Variants in MYO3B observed in about 807,000 individuals in gnomAD.
MYO3B encodes myosin IIIB.
Under a neutral mutation model 174.6 loss-of-function variants are expected in MYO3B, and 156 were observed. That is an observed-to-expected ratio of 0.89 (90% CI 0.78 to 1.02). The LOEUF (loss-of-function observed/expected upper bound fraction) is 1.02, where lower values mean the gene tolerates loss of function less well. Ranked by LOEUF, MYO3B falls within the 50% of genes least tolerant of loss-of-function variation. The pLI is 0.00. For missense variants in MYO3B, 1,632 were observed against 1,639.4 expected (o/e 1.00, Z 0.08); for synonymous variants, 563 against 569.1 (o/e 0.99, Z 0.15).
At chr2:170,473,665 T>G (rs1049952110) in intron 25 of MYO3B, among the ~76,000 whole-genome samples, 5 of 152,240 alleles carry the variant, frequency 3.3e-5, no homozygotes, top group African/African-American at 1.2e-4. Flanking sequence ...AAAATAAGGC[T>G]GTAACCCAGT....
intron 25 of MYO3B, 147 bp downstream of exon 25, chr2:170,466,858 C>T (rs1684672277): frequency 4.9e-6 from 4 of 813,476 alleles, no homozygotes; most frequent in Admixed American, 5.5e-5. Flanking sequence ...TTGAATGTTG[C>T]ATTTTTATTG....
rs532971666 is a variant in MYO3B, at chr2:170,396,952, A to G, written c.1792-3236A>G. Among the ~76,000 whole-genome samples, 5 of 152,274 alleles carry G rather than the reference A, an allele frequency of 3.3e-5. No individual in the cohort carries two copies. In the South Asian group the frequency reaches 8.3e-4, roughly 25 times the overall value. On this transcript the variant is annotated intron_variant, in intron 16 of 34. Coordinates refer to ENST00000408978, the MANE Select transcript of MYO3B (RefSeq NM_138995.5). ...AACAGCTGATGTAGAACTCACTGCA[A>G]GAGTCTCTGTTTTACCCCCTGGGAT...
chr2:170,299,828 ATGCAT>A (rs1400443766), intron 7 of MYO3B, among the ~76,000 whole-genome samples: 1 of 152,226 alleles, frequency 6.6e-6, no homozygotes, highest in Non-Finnish European at 1.5e-5. Flanking sequence ...AGAAACAAAG[ATGCAT>A]TGCTAGATCA....
intron 32 of MYO3B, among the ~76,000 whole-genome samples, chr2:170,594,991 C>T (rs1694054716): frequency 1.3e-5 from 2 of 152,086 alleles, no homozygotes; most frequent in South Asian, 2.1e-4. Context: ...AGGACAGTGT[C>T]GTGCCCCAGG....
rs774215393 is a variant in MYO3B, at chr2:170,463,333, A to G, written c.2731-35A>G. On this transcript the variant is annotated intron_variant, in intron 23 of 34. Coordinates refer to ENST00000408978, the MANE Select transcript of MYO3B (RefSeq NM_138995.5). ...CATGGAGCATGAGGTAAGTGCCTAG[A>G]TCCTCAAACCACTTGCCTCCACCTA... 9.4e-6 allele frequency: 15 copies of G among 1,601,416 alleles called. No homozygotes were observed. In the South Asian group the frequency reaches 1.7e-4, roughly 18 times the overall value.
At chr2:170,226,303 A>G (rs1262164090) in intron 6 of MYO3B, among the ~76,000 whole-genome samples, 2 of 152,194 alleles carry the variant, frequency 1.3e-5, no homozygotes, top group Non-Finnish European at 2.9e-5. Flanking sequence ...CTCCAGAGAC[A>G]TTCATCTCTG....
intron 30 of MYO3B, among the ~76,000 whole-genome samples, chr2:170,535,298 T>G (rs1689617632): frequency 6.6e-6 from 1 of 152,222 alleles, no homozygotes; most frequent in South Asian, 2.1e-4. Context: ...GTCATACACA[T>G]TGTTCTTATA....
Position 170,543,998 on chromosome 2 carries a change from A to G in MYO3B, c.3733+10A>G. 6.3e-7 allele frequency: 1 copy of G among 1,599,836 alleles called. No individual in the cohort carries two copies. The highest frequency in any genetic ancestry group is 8.6e-7 in the Non-Finnish European group (1 of 1,167,906). On this transcript the variant is annotated intron_variant, in intron 32 of 34. Coordinates refer to ENST00000408978, the MANE Select transcript of MYO3B (RefSeq NM_138995.5). ...GCCCCTCAAAAGCCTGGTAAGAAGA[A>G]CGTTTTGAATTGCATGCGGCTTCTA...
intron 7 of MYO3B, among the ~76,000 whole-genome samples, chr2:170,272,858 A>G (rs932172023): frequency 1.3e-5 from 2 of 152,148 alleles, no homozygotes; most frequent in African/African-American, 2.4e-5. Context: ...GTACGTCTCA[A>G]TCTTGTACAT....
intron 25 of MYO3B, among the ~76,000 whole-genome samples, chr2:170,473,179 G>A (rs1443500601): frequency 9.1e-6 from 1 of 109,458 alleles, no homozygotes; most frequent in Non-Finnish European, 1.7e-5. Flanking sequence ...GTCTCACTCT[G>A]TCACCTAGGC....
intron 32 of MYO3B, among the ~76,000 whole-genome samples, chr2:170,620,528 G>A (rs1695824855): frequency 6.6e-6 from 1 of 152,216 alleles, no homozygotes; most frequent in East Asian, 1.9e-4. Context: ...AAGTTAGCCT[G>A]CCCCATCTTC....
chr2:170,584,553 G>GT (rs147997158), intron 32 of MYO3B, among the ~76,000 whole-genome samples: 1 of 152,156 alleles, frequency 6.6e-6, no homozygotes, highest in Non-Finnish European at 1.5e-5. Context: ...TGCTGTTCAT[G>GT]TTTTTTCCCC....
intron 8 of MYO3B, among the ~76,000 whole-genome samples, chr2:170,360,052 T>C (rs1168208167): frequency 6.6e-6 from 1 of 152,176 alleles, no homozygotes; most frequent in Non-Finnish European, 1.5e-5. Flanking sequence ...GAATATAATG[T>C]CTTCTGTTTG....
chr2:170,576,815 G>C (rs1436269889), intron 32 of MYO3B, among the ~76,000 whole-genome samples: 3 of 152,132 alleles, frequency 2.0e-5, no homozygotes, highest in Non-Finnish European at 4.4e-5. Flanking sequence ...TTCTTTGCCT[G>C]GCAAGGTGAG....
chr2:170,349,764 C>T lies in MYO3B; in HGVS notation c.815+14314C>T, dbSNP rs566631167. On this transcript the variant is annotated intron_variant, in intron 8 of 34. Coordinates refer to ENST00000408978, the MANE Select transcript of MYO3B (RefSeq NM_138995.5). ...AGTGAGCTGAGATTGCACCACTGCA[C>T]TCCAGCCTGAGCGATGGAATGAGAC... is the stretch of plus-strand genomic sequence containing the variant. The T allele has an allele frequency of 1.0e-4, 15 of 143,118 alleles. No homozygotes were observed. The South Asian group carries it at 3.1e-3, about 30-fold the overall frequency. 8.9% of individuals were successfully genotyped at this position (143,118 alleles called of 1,614,324 possible). A position where few individuals can be genotyped will look rare whatever the true frequency, so the allele number is the denominator to read the frequency against.
chr2:170,336,246 G>C (rs1178409322), intron 8 of MYO3B, among the ~76,000 whole-genome samples: 1 of 151,642 alleles, frequency 6.6e-6, no homozygotes, highest in Non-Finnish European at 1.5e-5. Flanking sequence ...CTTGGAAGAA[G>C]TCCTGTAGGA....
chr2:170,369,458 T>C, intron 9 of MYO3B, 81 bp downstream of exon 9: 1 of 1,416,138 alleles, frequency 7.1e-7, no homozygotes, highest in South Asian at 1.4e-5. Flanking sequence ...CCCAGCATTA[T>C]TACTGGTAGT....
chr2:170,202,419 T>C lies in MYO3B; in HGVS notation c.321+2135T>C, dbSNP rs192976370. ...GGTCATGTGCATTCAGTGCCTCCAA[T>C]AGTCTTAGGGAAACACAGGAATTCC... is the stretch of plus-strand genomic sequence containing the variant. On this transcript the variant is annotated intron_variant, in intron 3 of 34. Transcript: ENST00000408978. Among the ~76,000 whole-genome samples the C allele has an allele frequency of 3.9e-5, 6 of 152,200 alleles. No individual in the cohort carries two copies. In the East Asian group the frequency reaches 9.6e-4, roughly 24 times the overall value.
At chr2:170,590,103 C>A (rs557702692) in intron 32 of MYO3B, among the ~76,000 whole-genome samples, 247 of 152,230 alleles carry the variant, frequency 1.6e-3, no homozygotes, top group African/African-American at 5.6e-3. Context: ...TACACAATAA[C>A]AAAATCACCT....
Sources: allele counts gnomAD v4.1 joint callset (sites outside exome capture counted in the v4.1 genomes callset), GRCh38; gene constraint gnomAD v4.1.1; transcripts MANE v1.5; gene names NCBI Gene and HGNC (gene_info 2026-07-23, HGNC 2026-07-21).